KIF18A: variants seen among roughly 807,000 people sequenced by gnomAD.
The protein encoded by KIF18A is kinesin family member 18A, also known as kinesin-like protein KIF18A.
KIF18A carries 67 observed loss-of-function variants against 103.3 expected under a neutral mutation model. The observed-to-expected ratio is 0.65, with a 90% CI of 0.53 to 0.79. KIF18A has a LOEUF of 0.79. Ranked by LOEUF, KIF18A falls within the 30% of genes least tolerant of loss-of-function variation. The pLI is 0.00. For missense variants in KIF18A, 1,032 were observed against 1,062.5 expected (o/e 0.97, Z 0.40); for synonymous variants, 367 against 355.5 (o/e 1.03, Z -0.36).
intron 13 of KIF18A, among the ~76,000 whole-genome samples, chr11:28,045,347 T>C (rs1850617800): frequency 6.6e-6 from 1 of 151,422 alleles, no homozygotes; most frequent in Non-Finnish European, 1.5e-5. Context: ...GAAGTCTATC[T>C]CACAGATTTG....
At chr11:28,062,650 G>T in intron 11 of KIF18A, 134 bp from the exon 12 acceptor site, 2 of 662,118 alleles carry the variant, frequency 3.0e-6, no homozygotes, top group Non-Finnish European at 2.2e-6. Flanking sequence ...GAAACAATTT[G>T]AAAAATAAGA....
At chr11:28,064,318 C>A (rs540784029) in intron 11 of KIF18A, among the ~76,000 whole-genome samples, 3 of 151,772 alleles carry the variant, frequency 2.0e-5, no homozygotes, top group Non-Finnish European at 4.4e-5. Flanking sequence ...AAATATATGC[C>A]CTTTATGGAG....
intron 15 of KIF18A, among the ~76,000 whole-genome samples, chr11:28,028,111 T>A (rs11030191): frequency 2.3e-3 from 343 of 152,098 alleles, no homozygotes; most frequent in Non-Finnish European, 4.1e-3. Context: ...ATCATTTCAA[T>A]AGATGCTGAA....
At chr11:28,094,882 C>G (rs1241616957) in intron 2 of KIF18A, 82 bp from the exon 3 acceptor site, 1 of 1,292,320 alleles carries the variant, frequency 7.7e-7, no homozygotes. Flanking sequence ...ATAGTTCCAT[C>G]TGGATATCCT....
intron 15 of KIF18A, among the ~76,000 whole-genome samples, chr11:28,032,002 CA>C (rs1348442843): frequency 6.6e-6 from 1 of 151,156 alleles, no homozygotes; most frequent in Non-Finnish European, 1.5e-5. Flanking sequence ...GTAGAGTCCA[CA>C]AAAAACTATG....
intron 1 of KIF18A, among the ~76,000 whole-genome samples, chr11:28,101,934 T>G (rs888791958): frequency 2.0e-5 from 3 of 152,202 alleles, no homozygotes; most frequent in African/African-American, 4.8e-5. Flanking sequence ...TCATGGATTT[T>G]CATTAGATGC....
At position 28,058,827 on chromosome 11, in the gene KIF18A, TAGAC is replaced by T. The variant is rs1309460176; in HGVS notation, c.1948+95_1948+98del. 5.9e-5 allele frequency: 52 copies of T among 876,262 alleles called. 1 individual carries two copies. Among genetic ancestry groups the T allele is most frequent in the Non-Finnish European group, 8.7e-5 (49 of 563,252 alleles). 54.3% of individuals were successfully genotyped at this position (876,262 alleles called of 1,614,324 possible). On this transcript the variant is annotated intron_variant, in intron 13 of 16. Coordinates refer to ENST00000263181, the MANE Select transcript of KIF18A (RefSeq NM_031217.4). ...AATTTTCCCATTAATTTTCATAAAA[TAGAC>T]AAACCTATTAAAATTAACTGTTCTA...
At chr11:28,091,112 A>G (rs1357062099) in intron 4 of KIF18A, among the ~76,000 whole-genome samples, 1 of 149,900 alleles carries the variant, frequency 6.7e-6, no homozygotes, top group Non-Finnish European at 1.5e-5. Context: ...CCAGTCTCAT[A>G]GCCCGGTCAC....
intron 13 of KIF18A, among the ~76,000 whole-genome samples, chr11:28,057,230 A>G (rs2133522980): frequency 6.6e-6 from 1 of 152,190 alleles, no homozygotes; most frequent in South Asian, 2.1e-4. Context: ...TTAAAAGACT[A>G]TGCAGCTGGG....
At chr11:28,039,878 T>G (rs186556808) in intron 13 of KIF18A, among the ~76,000 whole-genome samples, 17 of 151,818 alleles carry the variant, frequency 1.1e-4, no homozygotes, top group Admixed American at 7.2e-4. Flanking sequence ...GTATATGATA[T>G]AAATCTAAAG....
At position 28,046,704 on chromosome 11, in the gene KIF18A, GA is replaced by G. The variant is rs1256467211; in HGVS notation, c.1949-10041del. The stretch of plus-strand genomic sequence containing the variant: ...TAAAACTTAAAGTATAATAATAAAA[GA>G]AAAAAAAAAAGAAAAAAAATATTGA... On this transcript the variant is annotated intron_variant, in intron 13 of 16. Transcript: ENST00000263181. Among the ~76,000 whole-genome samples the G allele has an allele frequency of 1.0e-2, 448 of 44,942 alleles. 1 individual carries two copies. Among genetic ancestry groups the G allele is most frequent in the Admixed American group, 0.012 (54 of 4,522 alleles). The allele number at this position is 44,942 out of a possible 152,430, so 29.5% of individuals were successfully genotyped here. A position where few individuals can be genotyped will look rare whatever the true frequency, so the allele number is the denominator to read the frequency against.
chr11:28,088,742 G>GA (rs760026629), intron 5 of KIF18A, 21 bp from the exon 6 acceptor site: 2 of 1,573,408 alleles, frequency 1.3e-6, no homozygotes, highest in East Asian at 2.3e-5. Flanking sequence ...TTACAAAATA[G>GA]AAAAAAATGA....
chr11:28,084,948 T>A (rs1335658923), intron 6 of KIF18A, 140 bp from the exon 7 acceptor site: 13 of 586,076 alleles, frequency 2.2e-5, no homozygotes, highest in Non-Finnish European at 3.9e-5. Context: ...TTCAGTATAA[T>A]GAAAAAAATA....
chr11:28,072,432 G>T (rs990757065), intron 10 of KIF18A, among the ~76,000 whole-genome samples: 1 of 152,108 alleles, frequency 6.6e-6, no homozygotes, highest in East Asian at 1.9e-4. Flanking sequence ...GATGTTATGA[G>T]ATTCTTTCAG....
At chr11:28,083,480 T>C (rs1412917096) in intron 7 of KIF18A, among the ~76,000 whole-genome samples, 1 of 152,102 alleles carries the variant, frequency 6.6e-6, no homozygotes, top group Non-Finnish European at 1.5e-5. Flanking sequence ...AATTGCAATA[T>C]AATAAAATTC....
Position 28,088,506 on chromosome 11 carries a change from T to G in KIF18A, c.897+18A>C. Reference sequence around the variant, plus strand: ...TCAATATTTCAAACTATTTAACAAATAAACATATAATGCCTACCTTTGAAT... The same window carrying G: ...TCAATATTTCAAACTATTTAACAAAGAAACATATAATGCCTACCTTTGAAT... On this transcript the variant is annotated intron_variant, in intron 6 of 16. Coordinates refer to ENST00000263181, the MANE Select transcript of KIF18A (RefSeq NM_031217.4). The G allele has an allele frequency of 1.3e-6, 2 of 1,589,736 alleles. No homozygotes were observed. Among genetic ancestry groups the G allele is most frequent in the Non-Finnish European group, 1.7e-6 (2 of 1,158,820 alleles).
chr11:28,100,301 T>C (rs1442019218), intron 1 of KIF18A, among the ~76,000 whole-genome samples: 1 of 151,772 alleles, frequency 6.6e-6, no homozygotes, highest in Non-Finnish European at 1.5e-5. Flanking sequence ...ATAAAGGCTG[T>C]CCTCAGTCTT....
Position 28,069,432 on chromosome 11 carries a change from C to T in KIF18A, c.1426-9G>A, listed in dbSNP as rs759954783. ...TCTCGTTTTCCAGTGGCCTGAAACACGATTCATTTAACAGTAAATCTAATT... is the reference window on the plus strand; with the variant it reads ...TCTCGTTTTCCAGTGGCCTGAAACATGATTCATTTAACAGTAAATCTAATT... On this transcript the variant is annotated splice_polypyrimidine_tract_variant and intron_variant, in intron 10 of 16. Coordinates refer to ENST00000263181, the MANE Select transcript of KIF18A (RefSeq NM_031217.4). 11 of 1,608,976 alleles carry T rather than the reference C, an allele frequency of 6.8e-6. No individual in the cohort carries two copies. Among genetic ancestry groups the T allele is most frequent in the African/African-American group, 5.4e-5 (4 of 74,444 alleles).
At chr11:28,069,198 G>T (rs370420432) in intron 11 of KIF18A, 61 bp downstream of exon 11, 8 of 1,288,740 alleles carry the variant, frequency 6.2e-6, no homozygotes, top group African/African-American at 1.5e-5. Flanking sequence ...ATAAGAAAAA[G>T]AACACATTTT....
Sources: gnomAD v4.1 joint callset for allele counts (sites outside exome capture counted in the v4.1 genomes callset) on GRCh38, gnomAD v4.1.1 for gene constraint, MANE v1.5 for transcripts, NCBI Gene and HGNC (gene_info 2026-07-23, HGNC 2026-07-21) for gene names.